The following FBLN1 variants were observed in gnomAD, a reference collection of about 807,000 sequenced individuals.
FBLN1 encodes fibulin-1.
FBLN1 carries 34 observed loss-of-function variants against 89.7 expected under a neutral mutation model. That is an observed-to-expected ratio of 0.38 (90% CI 0.29 to 0.50). FBLN1 has a LOEUF of 0.50. FBLN1 is among the 20% of genes least tolerant of loss of function. The pLI is 0.92. For synonymous variants in FBLN1, 393 were observed against 391.3 expected (o/e 1.00, Z -0.05); for missense variants, 777 against 988.1 (o/e 0.79, Z 2.86).
Position 45,532,825 on chromosome 22 carries a change from C to T in FBLN1, c.545-238C>T. ...CCCAGCCTACAAAGGGCACCCTGCA[C>T]ACCACCTGATTTTCCAGACGGGGAG... On this transcript the variant is annotated intron_variant, in intron 5 of 16. Coordinates refer to ENST00000327858, the MANE Select transcript of FBLN1 (RefSeq NM_006486.3). The surrounding 1 kb of genome is among the most constrained non-coding windows in gnomAD (Gnocchi z 4.2). The T allele has an allele frequency of 1.7e-6, 1 of 593,134 alleles. No individual in the cohort carries two copies. The highest frequency in any genetic ancestry group is 3.0e-6 in the Non-Finnish European group (1 of 331,550). The allele number at this position is 593,134 out of a possible 1,614,324, so 36.7% of individuals were successfully genotyped here.
At chr22:45,591,824 G>A (rs12160277) in intron 16 of FBLN1, among the ~76,000 whole-genome samples, 1,142 of 82,510 alleles carry the variant, frequency 0.014, 5 homozygotes, top group African/African-American at 0.094. Context: ...AGTGTCCTGC[G>A]CGCCATTTTG....
rs894230630 is a variant in FBLN1, at chr22:45,600,505, A to G, written c.*59A>G. ...CCAGGCCAAATCATTGCTGCCAGTG[A>G]CTGTGGTCTGTACTTGTTTATACCC... is the stretch of plus-strand genomic sequence containing the variant. On this transcript the variant is annotated 3_prime_UTR_variant, in exon 17 of 17. Coordinates refer to ENST00000327858, the MANE Select transcript of FBLN1 (RefSeq NM_006486.3). 6.9e-6 allele frequency: 11 copies of G among 1,604,840 alleles called. No individual in the cohort carries two copies. Among genetic ancestry groups the G allele is most frequent in the African/African-American group, 4.0e-5 (3 of 74,712 alleles).
Position 45,578,628 on chromosome 22 carries a change from G to C in FBLN1, c.1972+1520G>C, listed in dbSNP as rs1186692446. Among the ~76,000 whole-genome samples, 1 of 141,048 alleles carries C rather than the reference G, an allele frequency of 7.1e-6. No homozygotes were observed. The highest frequency in any genetic ancestry group is 1.5e-5 in the Non-Finnish European group (1 of 67,912). 92.5% of individuals were successfully genotyped at this position (141,048 alleles called of 152,430 possible). ...GGCAGGCAGGGAGGGGGTTGGGTCA[G>C]GGCTTTGTCCTGTCCCACTGGGTGG... is the stretch of plus-strand genomic sequence containing the variant. On this transcript the variant is annotated intron_variant, in intron 16 of 16. Coordinates refer to ENST00000327858, the MANE Select transcript of FBLN1 (RefSeq NM_006486.3). The surrounding 1 kb of genome is among the most constrained non-coding windows in gnomAD (Gnocchi z 4.6).
At chr22:45,586,556 A>T (rs1370213418) in intron 16 of FBLN1, among the ~76,000 whole-genome samples, 7 of 152,248 alleles carry the variant, frequency 4.6e-5, no homozygotes, top group African/African-American at 1.7e-4. Flanking sequence ...CCTTGCACAA[A>T]GGCAGTGGTG....
intron 16 of FBLN1, among the ~76,000 whole-genome samples, chr22:45,586,937 G>A (rs943436914): frequency 3.3e-5 from 5 of 152,086 alleles, no homozygotes; most frequent in Non-Finnish European, 5.9e-5. Context: ...CAGGGTCTAC[G>A]GACAGTACAG....
rs925122423 is a variant in FBLN1, at chr22:45,577,947, T to C, written c.1972+839T>C. Reference sequence around the variant, plus strand: ...TCACATTTTAAAAGATTTACAGTCATGGGAAATGAAAACGGTGGCATCTGC... The same window carrying C: ...TCACATTTTAAAAGATTTACAGTCACGGGAAATGAAAACGGTGGCATCTGC... On this transcript the variant is annotated intron_variant, in intron 16 of 16. Coordinates refer to ENST00000327858, the MANE Select transcript of FBLN1 (RefSeq NM_006486.3). The surrounding 1 kb of genome is among the most constrained non-coding windows in gnomAD (Gnocchi z 6.6). 1 of 152,580 alleles carries C rather than the reference T, an allele frequency of 6.6e-6. No individual in the cohort carries two copies. Among genetic ancestry groups the C allele is most frequent in the African/African-American group, 2.4e-5 (1 of 41,456 alleles). The allele number at this position is 152,580 out of a possible 1,614,324, so 9.5% of individuals were successfully genotyped here. A position where few individuals can be genotyped will look rare whatever the true frequency, so the allele number is the denominator to read the frequency against.
intron 7 of FBLN1, 34 bp downstream of exon 7, chr22:45,533,932 C>A: frequency 6.2e-7 from 1 of 1,612,898 alleles, no homozygotes; most frequent in South Asian, 1.1e-5. Context: ...CAAACCTGGT[C>A]TTCCAGGCGT....
In FBLN1 at chr22:45,525,636, G is replaced by A. The variant is rs765918593; in HGVS notation, c.279G>A (p.Thr93=). ...CCAACGAGCAGGACCGCTGTGCCAC[G>A]CCCCACGGTGACAACGCCAGCCTGG... ...SLANEQDRCA[T]PHGDNASLEA... Residue 93 remains threonine, a synonymous_variant, in exon 3 of 17, where the codon ACG becomes ACA. Coordinates refer to ENST00000327858, the MANE Select transcript of FBLN1 (RefSeq NM_006486.3). 6.3e-5 allele frequency: 97 copies of A among 1,551,130 alleles called. No homozygotes were observed. The highest frequency in any genetic ancestry group is 1.2e-4 in the South Asian group (10 of 84,062).
intron 2 of FBLN1, among the ~76,000 whole-genome samples, chr22:45,519,847 A>T (rs974540837): frequency 6.6e-6 from 1 of 151,858 alleles, no homozygotes; most frequent in African/African-American, 2.4e-5. Flanking sequence ...CAAAGGCACC[A>T]TGATACCTCC....
In FBLN1 at chr22:45,570,360, A is replaced by AAAAAAG. The variant is rs2088942672; in HGVS notation, c.1698-4139_1698-4134dup. 2.7e-5 allele frequency among the ~76,000 whole-genome samples: 4 copies of AAAAAAG among 149,130 alleles called. No individual in the cohort carries two copies. In the South Asian group the frequency reaches 6.4e-4, roughly 24 times the overall value. ...AAAAAGAAAAGAAAAGAAAAGAAAA[A>AAAAAAG]AAAAAGAAAAAGAAAAAAAGAAAGA... On this transcript the variant is annotated intron_variant, in intron 14 of 16. Coordinates refer to ENST00000327858, the MANE Select transcript of FBLN1 (RefSeq NM_006486.3).
At chr22:45,587,618 C>G (rs2089099209) in intron 16 of FBLN1, among the ~76,000 whole-genome samples, 1 of 152,146 alleles carries the variant, frequency 6.6e-6, no homozygotes, top group Non-Finnish European at 1.5e-5. Context: ...GGGCTCCAGG[C>G]TGGAGAGAAG....
intron 2 of FBLN1, among the ~76,000 whole-genome samples, chr22:45,519,114 C>G (rs1207979022): frequency 2.0e-5 from 3 of 151,800 alleles, no homozygotes; most frequent in African/African-American, 7.3e-5. Flanking sequence ...TGTGGGGGAG[C>G]AAAGGAGATG....
intron 8 of FBLN1, among the ~76,000 whole-genome samples, chr22:45,540,036 C>T (rs2088534669): frequency 6.6e-6 from 1 of 152,204 alleles, no homozygotes; most frequent in Admixed American, 6.5e-5. Flanking sequence ...TGTAAAAGCA[C>T]CCCTGAGCAA....
chr22:45,562,912 C>G lies in FBLN1; in HGVS notation c.1698-11599C>G. On this transcript the variant is annotated intron_variant, in intron 14 of 16. Coordinates refer to ENST00000327858, the MANE Select transcript of FBLN1 (RefSeq NM_006486.3). The surrounding 1 kb of genome is among the most constrained non-coding windows in gnomAD (Gnocchi z 7.8). ...GTCTCTCTGCCCACTTTTCTTGCAGCCGCTGTGAGCGCTTGCCTTGCCATG... is the reference window on the plus strand; with the variant it reads ...GTCTCTCTGCCCACTTTTCTTGCAGGCGCTGTGAGCGCTTGCCTTGCCATG... 6.2e-7 allele frequency: 1 copy of G among 1,613,640 alleles called. No individual in the cohort carries two copies.
At position 45,574,839 on chromosome 22, in the gene FBLN1, T is replaced by C. The variant is rs1409343025; in HGVS notation, c.1840+186T>C. 2.7e-5 allele frequency among the ~76,000 whole-genome samples: 4 copies of C among 146,500 alleles called. No homozygotes were observed. Among genetic ancestry groups the C allele is most frequent in the South Asian group, 4.3e-4 (2 of 4,652 alleles). ...CTCTGTCGCCCGGGCTGGAGTGCAG[T>C]GGTGCCATCTCGGCTCACTGCAAGC... is the stretch of plus-strand genomic sequence containing the variant. On this transcript the variant is annotated intron_variant, in intron 15 of 16. Coordinates refer to ENST00000327858, the MANE Select transcript of FBLN1 (RefSeq NM_006486.3). The surrounding 1 kb of genome is among the most constrained non-coding windows in gnomAD (Gnocchi z 4.1).
chr22:45,570,372 GAAAA>G (rs1172676478), intron 14 of FBLN1, among the ~76,000 whole-genome samples: 1 of 112,818 alleles, frequency 8.9e-6, no homozygotes, highest in South Asian at 2.9e-4. Flanking sequence ...AAAAGAAAAA[GAAAA>G]AAAGAAAGAA....
rs1361180868 is a variant in FBLN1, at chr22:45,575,356, G to A, written c.1840+703G>A. Among the ~76,000 whole-genome samples, 1 of 152,072 alleles carries A rather than the reference G, an allele frequency of 6.6e-6. No individual in the cohort carries two copies. The highest frequency in any genetic ancestry group is 1.5e-5 in the Non-Finnish European group (1 of 68,012). ...AGGGTGCCCAGTGGAGCAGGACATG[G>A]CCAGAAGGGTCTGGAGGTATGGGGG... is the stretch of plus-strand genomic sequence containing the variant. On this transcript the variant is annotated intron_variant, in intron 15 of 16. Transcript: ENST00000327858. The surrounding 1 kb of genome is among the most constrained non-coding windows in gnomAD (Gnocchi z 6.3).
chr22:45,517,405 G>A (rs2088184187), intron 1 of FBLN1: 4 of 365,468 alleles, frequency 1.1e-5, no homozygotes, highest in South Asian at 8.2e-5. Context: ...GGGGCACAAT[G>A]GGGTCTTCTC....
chr22:45,569,868 G>T (rs2088936288), intron 14 of FBLN1, among the ~76,000 whole-genome samples: 1 of 152,142 alleles, frequency 6.6e-6, no homozygotes, highest in Non-Finnish European at 1.5e-5. Context: ...CCAGTCTGTT[G>T]TATAGCAAAC....
Sources: gnomAD v4.1 joint callset for allele counts (sites outside exome capture counted in the v4.1 genomes callset) on GRCh38, gnomAD v4.1.1 for gene constraint, Gnocchi (gnomAD v3.1) non-coding constraint, MANE v1.5 for transcripts, NCBI Gene and HGNC (gene_info 2026-07-23, HGNC 2026-07-21) for gene names.